NFATC2: variants seen among roughly 807,000 people sequenced by gnomAD.
The protein encoded by NFATC2 is nuclear factor of activated T cells 2, also known as nuclear factor of activated T-cells, cytoplasmic 2.
NFATC2 carries 22 observed loss-of-function variants against 87.3 expected under a neutral mutation model. The observed-to-expected ratio is 0.25, with a 90% confidence interval of 0.18 to 0.36. The LOEUF is 0.36. Among genes scored for constraint, NFATC2 ranks in the 10% least tolerant of loss-of-function variants. NFATC2 has a pLI of 1.00. For missense variants in NFATC2, 1,149 were observed against 1,259.1 expected (o/e 0.91, Z 1.32); for synonymous variants, 565 against 542.2 (o/e 1.04, Z -0.58).
chr20:51,542,349 C>A, intron 1 of NFATC2, 21 bp downstream of exon 1: 1 of 1,601,812 alleles, frequency 6.2e-7, no homozygotes, highest in South Asian at 1.1e-5. Flanking sequence ...AGGGGCCAGG[C>A]CAGGGGTAGC....
chr20:51,404,996 G>A (rs946054084), intron 9 of NFATC2, among the ~76,000 whole-genome samples: 1 of 152,222 alleles, frequency 6.6e-6, no homozygotes, highest in Non-Finnish European at 1.5e-5. Context: ...GGGATGAGTA[G>A]ACATGGTGAT....
At chr20:51,409,055 T>G (rs2146265525) in intron 9 of NFATC2, among the ~76,000 whole-genome samples, 1 of 152,322 alleles carries the variant, frequency 6.6e-6, no homozygotes, top group African/African-American at 2.4e-5. Flanking sequence ...ACCAGCTAAG[T>G]GAAAAAATTT....
chr20:51,511,910 C>T (rs1459883646), intron 3 of NFATC2, among the ~76,000 whole-genome samples: 1 of 152,220 alleles, frequency 6.6e-6, no homozygotes, highest in Non-Finnish European at 1.5e-5. Flanking sequence ...TTCATCTCCT[C>T]ACCTTGGCTT....
intron 1 of NFATC2, among the ~76,000 whole-genome samples, chr20:51,534,093 T>C (rs1395211305): frequency 6.6e-6 from 1 of 152,188 alleles, no homozygotes; most frequent in African/African-American, 2.4e-5. Context: ...GCTCCCCTGT[T>C]CTCTCTGCAG....
At position 51,432,722 on chromosome 20, in the gene NFATC2, A is replaced by T; in HGVS notation, c.2067T>A (p.Tyr689Ter). ...PAIKTEPTDE[Y>*]DPTLICSPTH... Reference sequence around the variant, plus strand: ...TGGGGCTGCAGATCAGAGTGGGGTCATATTCATCCGTGGGCTCCGTCTTGA... The same window carrying T: ...TGGGGCTGCAGATCAGAGTGGGGTCTTATTCATCCGTGGGCTCCGTCTTGA... The change falls in exon 9 of 11, where the codon TAT becomes TAA. Residue 689 changes from tyrosine to a stop codon, truncating the protein, a stop_gained. Transcript: ENST00000371564. LOFTEE classifies it high-confidence loss of function. This position sits in a 1 kb window ranked among gnomAD's most constrained non-coding sequence, Gnocchi z 4.6. 2 of 1,586,424 alleles carry T rather than the reference A, an allele frequency of 1.3e-6. No homozygotes were observed. The highest frequency in any genetic ancestry group is 1.7e-6 in the Non-Finnish European group (2 of 1,173,820).
chr20:51,497,452 T>C (rs539242853), intron 3 of NFATC2, among the ~76,000 whole-genome samples: 282 of 152,276 alleles, frequency 1.9e-3, no homozygotes, highest in Admixed American at 3.6e-3. Flanking sequence ...ATGATCCCAT[T>C]TTTGCACAAG....
At chr20:51,535,091 G>A (rs2076697753) in intron 1 of NFATC2, among the ~76,000 whole-genome samples, 1 of 152,166 alleles carries the variant, frequency 6.6e-6, no homozygotes, top group African/African-American at 2.4e-5. Flanking sequence ...ATGCATGACA[G>A]AGAACAGACC....
intron 5 of NFATC2, among the ~76,000 whole-genome samples, chr20:51,457,548 G>A (rs1986684052): frequency 6.6e-6 from 1 of 151,352 alleles, no homozygotes; most frequent in East Asian, 1.9e-4. Context: ...TTCAACCTTT[G>A]CCAAGTCTGC....
chr20:51,403,175 G>A (rs1988227214), intron 9 of NFATC2, among the ~76,000 whole-genome samples: 2 of 152,154 alleles, frequency 1.3e-5, no homozygotes, highest in African/African-American at 4.8e-5. Flanking sequence ...TTAAGTCTTG[G>A]ATTTCCCATA....
At chr20:51,495,096 T>C (rs1359516704) in intron 3 of NFATC2, among the ~76,000 whole-genome samples, 2 of 152,108 alleles carry the variant, frequency 1.3e-5, no homozygotes, top group Non-Finnish European at 1.5e-5. Context: ...CTCATTTTAT[T>C]TTTTTTCTAG....
At chr20:51,557,154 G>T (rs868361283) in intron 1 of NFATC2, among the ~76,000 whole-genome samples, 2 of 152,134 alleles carry the variant, frequency 1.3e-5, no homozygotes, top group Non-Finnish European at 2.9e-5. Flanking sequence ...TAAAAGGAGG[G>T]TCCTACTCTA....
At position 51,432,721 on chromosome 20, in the gene NFATC2, C is replaced by T. The variant is rs1982954061; in HGVS notation, c.2068G>A (p.Asp690Asn). Residue 690 changes from aspartate (D) to asparagine (N), a missense_variant, in exon 9 of 11, where the codon GAC becomes AAC. Transcript: ENST00000371564. The surrounding 1 kb of genome is among the most constrained non-coding windows in gnomAD (Gnocchi z 4.6). ...AIKTEPTDEY[D>N]PTLICSPTHG... ...GTGGGGCTGCAGATCAGAGTGGGGT[C>T]ATATTCATCCGTGGGCTCCGTCTTG... 6.3e-7 allele frequency: 1 copy of T among 1,586,030 alleles called. No individual in the cohort carries two copies. The highest frequency in any genetic ancestry group is 2.2e-5 in the East Asian group (1 of 44,654).
chr20:51,443,379 A>G (rs1984631065), intron 6 of NFATC2, among the ~76,000 whole-genome samples: 4 of 152,156 alleles, frequency 2.6e-5, no homozygotes, highest in Admixed American at 2.6e-4. Context: ...TGGCTGAATA[A>G]ACAAACAAAT....
At chr20:51,467,130 G>A (rs1451432562) in intron 5 of NFATC2, among the ~76,000 whole-genome samples, 1 of 147,684 alleles carries the variant, frequency 6.8e-6, no homozygotes, top group East Asian at 2.0e-4. Context: ...GTAAGCCACA[G>A]ACAGGGAAAA....
intron 6 of NFATC2, among the ~76,000 whole-genome samples, chr20:51,449,400 C>T (rs543923073): frequency 4.4e-4 from 67 of 152,232 alleles, no homozygotes; most frequent in African/African-American, 1.6e-3. Flanking sequence ...AGAAGCCCAC[C>T]GTGTCCCTAA....
In NFATC2 at chr20:51,476,947, T is replaced by C. The variant is rs573569849; in HGVS notation, c.1333-1287A>G. 1.4e-4 allele frequency among the ~76,000 whole-genome samples: 22 copies of C among 152,320 alleles called. No homozygotes were observed. The South Asian group carries it at 3.9e-3, about 27-fold the overall frequency. On this transcript the variant is annotated intron_variant, in intron 3 of 10. Coordinates refer to ENST00000371564, the MANE Select transcript of NFATC2 (RefSeq NM_012340.5). ...CACTTTTATGCAGGTAAGAGCAATA[T>C]AGACTGGTATAACTATTTTAAAGAG...
chr20:51,506,298 T>A (rs542891405), intron 3 of NFATC2, among the ~76,000 whole-genome samples: 3 of 152,258 alleles, frequency 2.0e-5, no homozygotes, highest in Non-Finnish European at 4.4e-5. Flanking sequence ...GCTGCATGCC[T>A]GCCCAAGCCA....
chr20:51,499,647 G>T, intron 3 of NFATC2, among the ~76,000 whole-genome samples: 1 of 151,866 alleles, frequency 6.6e-6, no homozygotes, highest in Non-Finnish European at 1.5e-5. Flanking sequence ...GGAGGCTGAG[G>T]CAGGAGAATC....
chr20:51,549,936 C>T (rs1219087964), intron 1 of NFATC2, among the ~76,000 whole-genome samples: 1 of 152,212 alleles, frequency 6.6e-6, no homozygotes, highest in Non-Finnish European at 1.5e-5. Flanking sequence ...ATTTTCATTT[C>T]GCACAATGCC....
Sources: gnomAD v4.1 joint callset for allele counts (sites outside exome capture counted in the v4.1 genomes callset) on GRCh38, gnomAD v4.1.1 for gene constraint, Gnocchi (gnomAD v3.1) non-coding constraint, MANE v1.5 for transcripts, NCBI Gene and HGNC (gene_info 2026-07-23, HGNC 2026-07-21) for gene names.